RTN1: variants seen among roughly 807,000 people sequenced by gnomAD.
The protein encoded by RTN1 is reticulon 1, also known as reticulon-1.
RTN1 carries 25 observed loss-of-function variants against 65.5 expected under a neutral mutation model. That is an observed-to-expected ratio of 0.38 (90% CI 0.28 to 0.53). The LOEUF (loss-of-function observed/expected upper bound fraction) is 0.53. RTN1 is among the 20% of genes least tolerant of loss of function. The pLI is 0.79. For synonymous variants in RTN1, 471 were observed against 447.6 expected (o/e 1.05, Z -0.66); for missense variants, 983 against 1,025.4 (o/e 0.96, Z 0.57).
intron 2 of RTN1, among the ~76,000 whole-genome samples, chr14:59,738,658 C>A (rs1885049405): frequency 6.6e-6 from 1 of 152,148 alleles, no homozygotes; most frequent in Non-Finnish European, 1.5e-5. Flanking sequence ...TGGGTATATA[C>A]CCAAAGGAAT....
chr14:59,730,522 T>C (rs1884875860), intron 2 of RTN1, among the ~76,000 whole-genome samples: 1 of 152,154 alleles, frequency 6.6e-6, no homozygotes, highest in Non-Finnish European at 1.5e-5. Context: ...ACTAATAAAC[T>C]GGGCTTTTGT....
intron 3 of RTN1, among the ~76,000 whole-genome samples, chr14:59,648,082 T>C (rs926828558): frequency 6.6e-6 from 1 of 152,026 alleles, no homozygotes; most frequent in East Asian, 1.9e-4. Flanking sequence ...ATAAACACAA[T>C]CAGAAATGAC....
chr14:59,737,923 A>G (rs533965303), intron 2 of RTN1, among the ~76,000 whole-genome samples: 1 of 152,332 alleles, frequency 6.6e-6, no homozygotes, highest in Admixed American at 6.5e-5. Flanking sequence ...AGAATTCCCT[A>G]TGTAATAAAT....
At chr14:59,833,833 C>G (rs1047175758) in intron 1 of RTN1, among the ~76,000 whole-genome samples, 3 of 152,174 alleles carry the variant, frequency 2.0e-5, no homozygotes, top group African/African-American at 7.2e-5. Flanking sequence ...AGTCATTTTA[C>G]TCCCCAAAGC....
intron 1 of RTN1, among the ~76,000 whole-genome samples, chr14:59,840,540 G>A (rs565945604): frequency 4.6e-5 from 7 of 152,268 alleles, no homozygotes; most frequent in East Asian, 1.9e-4. Flanking sequence ...GAGTAAATGC[G>A]ATGTGGTCTG....
At chr14:59,691,551 G>A (rs1957987) in intron 3 of RTN1, among the ~76,000 whole-genome samples, 95,624 of 151,950 alleles carry the variant, frequency 0.63, 30,248 homozygotes, top group South Asian at 0.71. Context: ...CCAAAACATC[G>A]AGGAGGGGGG....
chr14:59,618,633 C>G (rs1214447537), intron 3 of RTN1, among the ~76,000 whole-genome samples: 6 of 152,236 alleles, frequency 3.9e-5, no homozygotes, highest in Admixed American at 2.6e-4. Context: ...TGGGCAGTTA[C>G]ACTTGTATCT....
Position 59,749,114 on chromosome 14 carries a change from A to ATCTC in RTN1, c.242-2634_242-2633insGAGA, listed in dbSNP as rs1217347907. ...TCTATATATATATCTATATATATAT[A>ATCTC]TATATATATAGATATATCTATATCT... On this transcript the variant is annotated intron_variant, in intron 1 of 8. Transcript: ENST00000267484. Among the ~76,000 whole-genome samples the ATCTC allele has an allele frequency of 1.5e-4, 7 of 45,568 alleles. No individual in the cohort carries two copies. In the East Asian group the frequency reaches 3.7e-3, roughly 24 times the overall value. 29.9% of individuals were successfully genotyped at this position (45,568 alleles called of 152,430 possible). A position where few individuals can be genotyped will look rare whatever the true frequency, so the allele number is the denominator to read the frequency against.
chr14:59,716,967 C>CAAAA (rs1420513013), intron 3 of RTN1, among the ~76,000 whole-genome samples: 1 of 135,746 alleles, frequency 7.4e-6, no homozygotes, highest in Non-Finnish European at 1.6e-5. Context: ...GACTCCATCT[C>CAAAA]AACAAACAAA....
chr14:59,698,608 G>C (rs1192850317), intron 3 of RTN1, among the ~76,000 whole-genome samples: 1 of 152,058 alleles, frequency 6.6e-6, no homozygotes, highest in Non-Finnish European at 1.5e-5. Flanking sequence ...CTCTCTCTTT[G>C]CCTGCTGCCA....
At position 59,732,935 on chromosome 14, in the gene RTN1, G is replaced by A. The variant is rs115407582; in HGVS notation, c.1016-5267C>T. Among the ~76,000 whole-genome samples the A allele has an allele frequency of 6.7e-3, 1,016 of 152,212 alleles. 15 individuals are homozygous for A. Among genetic ancestry groups the A allele is most frequent in the African/African-American group, 0.024 (990 of 41,516 alleles). ...GCCTGAGACTGCATTGGAGCCCCCC[G>A]GTGGGAGTGGGGGTCACCATCTCTG... On this transcript the variant is annotated intron_variant, in intron 2 of 8. Coordinates refer to ENST00000267484, the MANE Select transcript of RTN1 (RefSeq NM_021136.3).
chr14:59,806,012 C>T (rs781182883), intron 1 of RTN1, among the ~76,000 whole-genome samples: 12 of 151,714 alleles, frequency 7.9e-5, no homozygotes, highest in Non-Finnish European at 1.3e-4. Context: ...CTGAGGTGGG[C>T]GGATCACGAG....
chr14:59,684,890 T>C (rs1314885752), intron 3 of RTN1, among the ~76,000 whole-genome samples: 1 of 152,152 alleles, frequency 6.6e-6, no homozygotes, highest in African/African-American at 2.4e-5. Flanking sequence ...ATGAGAAATA[T>C]AATACGTGCC....
chr14:59,749,855 C>A (rs1320208254), intron 1 of RTN1, among the ~76,000 whole-genome samples: 11 of 104,886 alleles, frequency 1.0e-4, no homozygotes, highest in Non-Finnish European at 1.6e-4. Context: ...ATATATATAT[C>A]TATATGTATA....
At chr14:59,745,008 G>T (rs1885187090) in intron 2 of RTN1, among the ~76,000 whole-genome samples, 1 of 152,172 alleles carries the variant, frequency 6.6e-6, no homozygotes, top group Non-Finnish European at 1.5e-5. Context: ...GCCTTCATGA[G>T]TGGATTATCC....
chr14:59,663,717 T>C (rs910255629), intron 3 of RTN1, among the ~76,000 whole-genome samples: 2 of 151,132 alleles, frequency 1.3e-5, no homozygotes, highest in South Asian at 2.1e-4. Context: ...CCAACAAACA[T>C]ATGAAAAAAA....
intron 3 of RTN1, among the ~76,000 whole-genome samples, chr14:59,686,637 T>C (rs1883851909): frequency 6.6e-6 from 1 of 152,186 alleles, no homozygotes. Context: ...CTCGTGACAG[T>C]GTCTGTCTGA....
intron 3 of RTN1, among the ~76,000 whole-genome samples, chr14:59,726,587 C>T (rs1257794936): frequency 6.6e-6 from 1 of 152,192 alleles, no homozygotes; most frequent in Admixed American, 6.5e-5. Context: ...CATCGCTTTC[C>T]TGGGGGAGGA....
rs980094871 is a variant in RTN1, at chr14:59,694,523, G to C, written c.1765+32396C>G. On this transcript the variant is annotated intron_variant, in intron 3 of 8. Coordinates refer to ENST00000267484, the MANE Select transcript of RTN1 (RefSeq NM_021136.3). ...ATTAAATATCGTTTTCAAGAAACAT[G>C]AATTGCAGGCTTCTGGAAATAATTC... Among the ~76,000 whole-genome samples, 6 of 152,152 alleles carry C rather than the reference G, an allele frequency of 3.9e-5. No homozygotes were observed. The East Asian group carries it at 7.7e-4, about 20-fold the overall frequency.
Sources: gnomAD v4.1 joint callset for allele counts (sites outside exome capture counted in the v4.1 genomes callset) on GRCh38, gnomAD v4.1.1 for gene constraint, MANE v1.5 for transcripts, NCBI Gene and HGNC (gene_info 2026-07-23, HGNC 2026-07-21) for gene names.